PINK1: variants seen among roughly 807,000 people sequenced by gnomAD.
The protein encoded by PINK1 is PTEN induced kinase 1, also known as serine/threonine-protein kinase PINK1, mitochondrial.
PINK1 carries 58 observed loss-of-function variants against 56.0 expected under a neutral mutation model. That is an observed-to-expected ratio of 1.04 (90% CI 0.84 to 1.29). PINK1 has a LOEUF of 1.29. Among genes scored for constraint, PINK1 ranks in the 50% most tolerant of loss-of-function variants. PINK1 has a pLI of 0.00. For missense variants in PINK1, 745 were observed against 777.9 expected (o/e 0.96, Z 0.50); for synonymous variants, 354 against 339.3 (o/e 1.04, Z -0.48).
intron 1 of PINK1, among the ~76,000 whole-genome samples, chr1:20,635,773 C>T (rs1244800011): frequency 1.3e-5 from 2 of 151,842 alleles, no homozygotes; most frequent in Non-Finnish European, 2.9e-5. Context: ...GGCGTGAACC[C>T]GGGAGGCAGG....
At chr1:20,648,403 C>T in intron 5 of PINK1, 102 bp from the exon 6 acceptor site, 1 of 1,545,708 alleles carries the variant, frequency 6.5e-7, no homozygotes, top group Non-Finnish European at 8.8e-7. Context: ...GCCATTAGCC[C>T]CTGTCAGCTA....
intron 2 of PINK1, chr1:20,639,115 C>T (rs1183709070): frequency 6.5e-6 from 1 of 153,670 alleles, no homozygotes; most frequent in Non-Finnish European, 1.4e-5. Flanking sequence ...TTCAAGGCCG[C>T]AGTGGGAAGT....
intron 3 of PINK1, among the ~76,000 whole-genome samples, chr1:20,640,525 G>A (rs2053105616): frequency 6.6e-6 from 1 of 152,170 alleles, no homozygotes; most frequent in South Asian, 2.1e-4. Flanking sequence ...CTGCAGAGGA[G>A]GGGCTGCTCA....
rs148313557 is a variant in PINK1 at position 20,649,070 on chromosome 1, G to T, written c.1327G>T (p.Ala443Ser). 12 of 1,614,094 alleles carry T rather than the reference G, an allele frequency of 7.4e-6. 1 individual carries two copies. Reference sequence around the variant, plus strand: ...TGATGCCTGGGCAGTGGGAGCCATCGCCTATGAAATCTTCGGGCTTGTCAA... The same window carrying T: ...TGATGCCTGGGCAGTGGGAGCCATCTCCTATGAAATCTTCGGGCTTGTCAA... ...KADAWAVGAI[A>S]YEIFGLVNPF... The change falls in exon 7 of 8, where the codon GCC becomes TCC. Residue 443 changes from alanine (A) to serine (S), a missense_variant. Transcript: ENST00000321556.
At position 20,650,750 on chromosome 1, in the gene PINK1, G is replaced by A. The variant is rs963674520; in HGVS notation, c.*59G>A. ...AACATGGCATCCTCTGTGTCGTGATGGTCTGTGAATGGTGAGGGTGGGAGT... is the reference window on the plus strand; with the variant it reads ...AACATGGCATCCTCTGTGTCGTGATAGTCTGTGAATGGTGAGGGTGGGAGT... On this transcript the variant is annotated 3_prime_UTR_variant, in exon 8 of 8. Coordinates refer to ENST00000321556, the MANE Select transcript of PINK1 (RefSeq NM_032409.3). 6 of 1,585,160 alleles carry A rather than the reference G, an allele frequency of 3.8e-6. No individual in the cohort carries two copies. Among genetic ancestry groups the A allele is most frequent in the South Asian group, 1.1e-5 (1 of 88,678 alleles).
chr1:20,644,351 A>G (rs1334903299), intron 3 of PINK1, 139 bp from the exon 4 acceptor site: 1 of 1,033,276 alleles, frequency 9.7e-7, no homozygotes, highest in Admixed American at 1.7e-5. Context: ...AGTACCTGGC[A>G]CATAGCAAAT....
At chr1:20,649,258 A>G in intron 7 of PINK1, 27 bp downstream of exon 7, 2 of 1,609,324 alleles carry the variant, frequency 1.2e-6, no homozygotes, top group Non-Finnish European at 1.7e-6. Context: ...CTTCGAGGGG[A>G]CGGTGTGGGT....
At chr1:20,644,416 G>A in intron 3 of PINK1, 74 bp from the exon 4 acceptor site, 1 of 1,462,524 alleles carries the variant, frequency 6.8e-7, no homozygotes, top group Non-Finnish European at 9.6e-7. Context: ...CAGTGTTGGT[G>A]TGGCCTTAGG....
At chr1:20,646,442 G>A (rs1020490411) in intron 5 of PINK1, among the ~76,000 whole-genome samples, 4 of 151,960 alleles carry the variant, frequency 2.6e-5, no homozygotes, top group Non-Finnish European at 1.5e-5. Context: ...TCAAGAGATC[G>A]AGACCATCCT....
intron 1 of PINK1, 62 bp downstream of exon 1, chr1:20,633,997 A>C: frequency 3.4e-5 from 34 of 1,009,014 alleles, no homozygotes; most frequent in East Asian, 3.9e-5. Flanking sequence ...GCGGGTCCTC[A>C]GCTGGGTGGG....
At chr1:20,634,918 C>T (rs2053041234) in intron 1 of PINK1, among the ~76,000 whole-genome samples, 1 of 152,218 alleles carries the variant, frequency 6.6e-6, no homozygotes, top group South Asian at 2.1e-4. Context: ...TTCCTGGTTT[C>T]CATCCCAGTT....
In PINK1 at chr1:20,648,596, G is replaced by A. The variant is rs776679219; in HGVS notation, c.1215G>A (p.Val405=). 48 of 1,613,978 alleles carry A rather than the reference G, an allele frequency of 3.0e-5. No individual in the cohort carries two copies. Among genetic ancestry groups the A allele is most frequent in the Non-Finnish European group, 4.1e-5 (48 of 1,180,044 alleles). The change falls in exon 6 of 8, where the codon GTG becomes GTA. Residue 405 remains valine, a synonymous_variant. Transcript: ENST00000321556. The part of the protein sequence containing the change: ...GLQLPFSSWY[V]DRGGNGCLMA... ...AGTTGCCCTTCAGCAGCTGGTACGT[G>A]GATCGGGGCGGAAACGGCTGTCTGA...
intron 2 of PINK1, chr1:20,639,573 T>G: frequency 4.9e-6 from 2 of 405,784 alleles, no homozygotes; most frequent in South Asian, 4.4e-5. Context: ...AATTTTGAAC[T>G]GGTGGGGACC....
chr1:20,650,541 C>CCAA lies in PINK1; in HGVS notation c.1600_1602dup (p.Gln534dup), dbSNP rs750664040. 8 of 1,614,092 alleles carry CCAA rather than the reference C, an allele frequency of 5.0e-6. No homozygotes were observed. The highest frequency in any genetic ancestry group is 1.1e-5 in the South Asian group (1 of 91,086). The stretch of plus-strand genomic sequence containing the variant: ...TAGACAAGATGGTTGGCTGGCTCCT[C>CCAA]CAACAATCGGCCGCCACTTTGTTGG... On this transcript the variant is annotated inframe_insertion, in exon 8 of 8. Transcript: ENST00000321556.
intron 1 of PINK1, among the ~76,000 whole-genome samples, chr1:20,636,408 C>T (rs2053057490): frequency 6.6e-6 from 1 of 151,582 alleles, no homozygotes; most frequent in Non-Finnish European, 1.5e-5. Flanking sequence ...ATGGCACGAT[C>T]TCAGCTCACT....
At chr1:20,648,918 T>C (rs2053227134) in intron 6 of PINK1, 77 bp from the exon 7 acceptor site, 4 of 1,479,472 alleles carry the variant, frequency 2.7e-6, no homozygotes, top group Admixed American at 3.3e-5. Context: ...GATTAGCCCA[T>C]GGATCAGGTG....
At position 20,633,631 on chromosome 1, in the gene PINK1, C is replaced by T. The variant is rs2053015285; in HGVS notation, c.83C>T (p.Ala28Val). The change falls in exon 1 of 8, where the codon GCC becomes GTC. Residue 28 changes from alanine to valine, a missense_variant. Ala to Val is a moderately conservative substitution (Grantham distance 64). Coordinates refer to ENST00000321556, the MANE Select transcript of PINK1 (RefSeq NM_032409.3). ...LLRFTGKPGRAYGLGRPGPAA... is the reference protein window; with the variant it reads ...LLRFTGKPGRVYGLGRPGPAA... ...CGCTTCACGGGCAAGCCCGGCCGGGCCTACGGCTTGGGGCGGCCGGGCCCG... is the reference window on the plus strand; with the variant it reads ...CGCTTCACGGGCAAGCCCGGCCGGGTCTACGGCTTGGGGCGGCCGGGCCCG... The T allele has an allele frequency of 7.6e-7, 1 of 1,312,686 alleles. No homozygotes were observed. The highest frequency in any genetic ancestry group is 1.6e-5 in the African/African-American group (1 of 64,220). 81.3% of individuals were successfully genotyped at this position (1,312,686 alleles called of 1,614,324 possible). A position where few individuals can be genotyped will look rare whatever the true frequency, so the allele number is the denominator to read the frequency against.
chr1:20,634,003 G>A, intron 1 of PINK1, 68 bp downstream of exon 1: 2 of 1,503,938 alleles, frequency 1.3e-6, no homozygotes, highest in South Asian at 1.2e-5. Context: ...CCTCAGCTGG[G>A]TGGGGGCGGG....
rs113619271 is a variant in PINK1 at position 20,643,926 on chromosome 1, C to G, written c.777-564C>G. Among the ~76,000 whole-genome samples, 104 of 152,078 alleles carry G rather than the reference C, an allele frequency of 6.8e-4. 1 individual carries two copies. The highest frequency in any genetic ancestry group is 2.2e-3 in the African/African-American group (93 of 41,468). On this transcript the variant is annotated intron_variant, in intron 3 of 7. Transcript: ENST00000321556. ...TGTGTTTTTTCCTATACACACATAC[C>G]TATGGTAAAGTTTAATTTATAAATT...
Sources: allele counts gnomAD v4.1 joint callset (sites outside exome capture counted in the v4.1 genomes callset), GRCh38; gene constraint gnomAD v4.1.1; transcripts MANE v1.5; gene names NCBI Gene and HGNC (gene_info 2026-07-23, HGNC 2026-07-21).